The following FHIP1A variants were observed in gnomAD, a reference collection of about 807,000 sequenced individuals.
FHIP1A encodes FHF complex subunit HOOK interacting protein 1A, also known as FHF complex subunit HOOK-interacting protein 1A.
Under a neutral mutation model 88.6 loss-of-function variants are expected in FHIP1A, and 61 were observed. That is an observed-to-expected ratio of 0.69 (90% CI 0.56 to 0.85). The LOEUF (loss-of-function observed/expected upper bound fraction) is 0.85. FHIP1A is among the 40% of genes least tolerant of loss of function. The pLI is 0.00. For synonymous variants in FHIP1A, 478 were observed against 496.0 expected (o/e 0.96, Z 0.48); for missense variants, 1,154 against 1,273.5 (o/e 0.91, Z 1.43).
chr4:151,586,096 C>T (rs942952420), intron 5 of FHIP1A, among the ~76,000 whole-genome samples: 13 of 152,258 alleles, frequency 8.5e-5, no homozygotes, highest in African/African-American at 3.1e-4. Flanking sequence ...AAACATGCAG[C>T]TGTCAGTCGT....
Position 151,656,503 on chromosome 4 carries a change from C to T in FHIP1A, c.2730+93C>T. On this transcript the variant is annotated intron_variant, in intron 12 of 13. Transcript: ENST00000435205. This position sits in a 1 kb window ranked among gnomAD's most constrained non-coding sequence, Gnocchi z 4.2. ...CTCTTTATTTTGTTTTTCAAAAATTCCTTTGCTCTAATTCATTTGCTTTCC... is the reference window on the plus strand; with the variant it reads ...CTCTTTATTTTGTTTTTCAAAAATTTCTTTGCTCTAATTCATTTGCTTTCC... 7 of 1,314,854 alleles carry T rather than the reference C, an allele frequency of 5.3e-6. No homozygotes were observed. The highest frequency in any genetic ancestry group is 7.3e-6 in the Non-Finnish European group (7 of 958,444). 81.4% of individuals were successfully genotyped at this position (1,314,854 alleles called of 1,614,324 possible).
chr4:151,545,095 C>T (rs1732441499), intron 3 of FHIP1A, among the ~76,000 whole-genome samples: 1 of 152,136 alleles, frequency 6.6e-6, no homozygotes. Flanking sequence ...GTGTGGAAGT[C>T]CTCACTGCCC....
At chr4:151,503,621 TA>T (rs989482299) in intron 3 of FHIP1A, among the ~76,000 whole-genome samples, 4 of 151,798 alleles carry the variant, frequency 2.6e-5, no homozygotes, top group South Asian at 2.1e-4. Flanking sequence ...AGAAAAAAAT[TA>T]AAAAAAACCC....
chr4:151,645,516 CA>C (rs926109603), intron 9 of FHIP1A, among the ~76,000 whole-genome samples: 1 of 151,068 alleles, frequency 6.6e-6, no homozygotes, highest in Non-Finnish European at 1.5e-5. Flanking sequence ...CTTTTTTTTA[CA>C]AAAACCTTAA....
rs574934960 is a variant in FHIP1A at position 151,545,404 on chromosome 4, G to A, written c.-122-20734G>A. Among the ~76,000 whole-genome samples, 5 of 104,498 alleles carry A rather than the reference G, an allele frequency of 4.8e-5. No individual in the cohort carries two copies. The South Asian group carries it at 1.6e-3, about 33-fold the overall frequency. The allele number at this position is 104,498 out of a possible 152,430, so 68.6% of individuals were successfully genotyped here. The stretch of plus-strand genomic sequence containing the variant: ...TTTTTTTTTTTTTTTTTGAGACAGA[G>A]TCTCGCTCTATCTCCCAGGCTGGAA... On this transcript the variant is annotated intron_variant, in intron 3 of 13. Coordinates refer to ENST00000435205, the MANE Select transcript of FHIP1A (RefSeq NM_001109977.3).
At chr4:151,655,059 C>G (rs1402468628) in intron 11 of FHIP1A, among the ~76,000 whole-genome samples, 1 of 152,204 alleles carries the variant, frequency 6.6e-6, no homozygotes, top group Admixed American at 6.5e-5. Context: ...GTTTTACTCT[C>G]TTATGCTACC....
intron 3 of FHIP1A, among the ~76,000 whole-genome samples, chr4:151,544,677 T>G (rs6836249): frequency 0.29 from 44,113 of 152,006 alleles, 6,655 homozygotes; most frequent in Non-Finnish European, 0.34. Context: ...GTAGTTGCAG[T>G]GTCTGGCTGT....
At chr4:151,658,355 T>C (rs1201770870) in intron 13 of FHIP1A, among the ~76,000 whole-genome samples, 4 of 152,230 alleles carry the variant, frequency 2.6e-5, no homozygotes, top group African/African-American at 4.8e-5. Context: ...TGGGCCAGGC[T>C]GATTTTACCT....
intron 9 of FHIP1A, among the ~76,000 whole-genome samples, chr4:151,639,736 C>T (rs866617674): frequency 2.0e-5 from 3 of 152,086 alleles, no homozygotes; most frequent in South Asian, 2.1e-4. Context: ...CTCCGAGTTG[C>T]GAGGGTTTGT....
intron 7 of FHIP1A, among the ~76,000 whole-genome samples, chr4:151,602,256 T>TA (rs1456328136): frequency 4.4e-4 from 67 of 152,272 alleles, no homozygotes; most frequent in Non-Finnish European, 7.4e-5. Context: ...CATATACTGT[T>TA]ATATGCAAAG....
intron 1 of FHIP1A, among the ~76,000 whole-genome samples, chr4:151,413,504 G>T (rs1722433844): frequency 6.6e-6 from 1 of 152,066 alleles, no homozygotes; most frequent in Non-Finnish European, 1.5e-5. Context: ...GCCCAGGCTG[G>T]AGTGCGGTGG....
At chr4:151,433,510 A>G (rs533515093) in intron 1 of FHIP1A, among the ~76,000 whole-genome samples, 1 of 152,256 alleles carries the variant, frequency 6.6e-6, no homozygotes, top group South Asian at 2.1e-4. Context: ...TACTTAGATT[A>G]GTTTGAAACT....
intron 3 of FHIP1A, among the ~76,000 whole-genome samples, chr4:151,525,309 C>T (rs12186219): frequency 0.35 from 53,351 of 152,144 alleles, 9,964 homozygotes; most frequent in Non-Finnish European, 0.43. Context: ...TGCACTATAG[C>T]TTCTGAGTTT....
chr4:151,470,734 A>G (rs10212967), intron 2 of FHIP1A, among the ~76,000 whole-genome samples: 1 of 152,196 alleles, frequency 6.6e-6, no homozygotes, highest in Admixed American at 6.6e-5. Context: ...CAGTCTAGCT[A>G]GTGAAACCTG....
At chr4:151,526,210 C>A (rs1191417789) in intron 3 of FHIP1A, among the ~76,000 whole-genome samples, 4 of 129,504 alleles carry the variant, frequency 3.1e-5, no homozygotes, top group Admixed American at 7.7e-5. Context: ...CCCCACCCTT[C>A]CCCCCTTTCT....
chr4:151,520,910 TG>T (rs1731422208), intron 3 of FHIP1A, among the ~76,000 whole-genome samples: 4 of 152,326 alleles, frequency 2.6e-5, no homozygotes, highest in Admixed American at 2.6e-4. Flanking sequence ...TGTAATATAT[TG>T]TAAACATGTA....
intron 3 of FHIP1A, among the ~76,000 whole-genome samples, chr4:151,530,105 G>A (rs1731818382): frequency 6.6e-6 from 1 of 152,140 alleles, no homozygotes; most frequent in African/African-American, 2.4e-5. Context: ...TCAATGCTCT[G>A]GAGTCAATAC....
intron 7 of FHIP1A, among the ~76,000 whole-genome samples, chr4:151,594,104 A>T (rs1407207636): frequency 1.3e-5 from 2 of 152,222 alleles, no homozygotes; most frequent in African/African-American, 4.8e-5. Flanking sequence ...CATCCCAGGG[A>T]TGAAGCTGAC....
chr4:151,432,893 TG>T (rs1237604799), intron 1 of FHIP1A, among the ~76,000 whole-genome samples: 7 of 152,238 alleles, frequency 4.6e-5, no homozygotes, highest in Non-Finnish European at 7.4e-5. Context: ...GAGGAGGAAG[TG>T]CTTACTTTTT....
Sources: allele counts gnomAD v4.1 joint callset (sites outside exome capture counted in the v4.1 genomes callset), GRCh38; gene constraint gnomAD v4.1.1; non-coding constraint Gnocchi (gnomAD v3.1); transcripts MANE v1.5; gene names NCBI Gene and HGNC (gene_info 2026-07-23, HGNC 2026-07-21).